CTNNA2: variants seen among roughly 807,000 people sequenced by gnomAD.
The protein encoded by CTNNA2 is catenin alpha-2.
CTNNA2 carries 42 observed loss-of-function variants against 101.0 expected under a neutral mutation model. That is an observed-to-expected ratio of 0.42 (90% CI 0.32 to 0.54). The LOEUF is 0.54. Among genes scored for constraint, CTNNA2 ranks in the 20% least tolerant of loss-of-function variants. The pLI is 0.14. For synonymous variants in CTNNA2, 450 were observed against 456.4 expected, an observed-to-expected ratio of 0.99 and a Z score of 0.18; for missense variants, 871 against 1,223.1, an observed-to-expected ratio of 0.71 and a Z score of 4.29.
At chr2:80,099,085 C>A (rs1700371587) in intron 7 of CTNNA2, among the ~76,000 whole-genome samples, 1 of 151,888 alleles carries the variant, frequency 6.6e-6, no homozygotes, top group Admixed American at 6.6e-5. Context: ...AATCACCCGT[C>A]TTCTGCGTGG....
chr2:79,848,589 C>T (rs956502272), intron 3 of CTNNA2, among the ~76,000 whole-genome samples: 5 of 152,246 alleles, frequency 3.3e-5, no homozygotes, highest in East Asian at 1.9e-4. Flanking sequence ...AAAATCCATA[C>T]GGTTAATGAT....
intron 3 of CTNNA2, among the ~76,000 whole-genome samples, chr2:79,824,352 G>A (rs1345890183): frequency 2.0e-5 from 3 of 152,068 alleles, no homozygotes; most frequent in Non-Finnish European, 4.4e-5. Flanking sequence ...ACTTTTAGTA[G>A]TTGTACAAGC....
At position 79,734,589 on chromosome 2, in the gene CTNNA2, T is replaced by C. The variant is rs147755782; in HGVS notation, c.103-9798T>C. On this transcript the variant is annotated intron_variant, in intron 2 of 18. Coordinates refer to ENST00000402739, the MANE Select transcript of CTNNA2 (RefSeq NM_001282597.3). Reference sequence around the variant, plus strand: ...CAAAGGTTTCAGGAAACTTTAAGGATATATAAAGTGCAGAAAGATTAAAAC... The same window carrying C: ...CAAAGGTTTCAGGAAACTTTAAGGACATATAAAGTGCAGAAAGATTAAAAC... Among the ~76,000 whole-genome samples, 696 of 152,136 alleles carry C rather than the reference T, an allele frequency of 4.6e-3. 5 individuals carry two copies. The highest frequency in any genetic ancestry group is 0.016 in the African/African-American group (665 of 41,552).
At chr2:79,785,252 A>G (rs865885628) in intron 3 of CTNNA2, among the ~76,000 whole-genome samples, 82 of 152,212 alleles carry the variant, frequency 5.4e-4, no homozygotes, top group African/African-American at 1.8e-3. Context: ...TACAGGCCCC[A>G]CCTGTTCTGT....
At chr2:79,477,714 C>G (rs1322292716) in intron 4 of CTNNA2, among the ~76,000 whole-genome samples, 3 of 152,162 alleles carry the variant, frequency 2.0e-5, no homozygotes, top group Non-Finnish European at 4.4e-5. Context: ...CTAGAGTTAA[C>G]AAAAGCCCAG....
chr2:79,254,147 T>C (rs576587025), intron 2 of CTNNA2, among the ~76,000 whole-genome samples: 2 of 152,222 alleles, frequency 1.3e-5, no homozygotes, highest in Admixed American at 1.3e-4. Context: ...AACCAGGAAC[T>C]ATTGGATCCT....
intron 9 of CTNNA2, among the ~76,000 whole-genome samples, chr2:80,438,301 GT>G (rs1682225403): frequency 6.6e-6 from 1 of 151,916 alleles, no homozygotes; most frequent in Non-Finnish European, 1.5e-5. Flanking sequence ...TTAATCACCT[GT>G]TTAAAGACCC....
Position 80,127,233 on chromosome 2 carries a change from GT to G in CTNNA2, c.1056+217445del, listed in dbSNP as rs943277867. Among the ~76,000 whole-genome samples the G allele has an allele frequency of 1.4e-4, 21 of 151,534 alleles. 1 individual carries two copies. In the East Asian group the frequency reaches 2.3e-3, roughly 17 times the overall value. ...ATGATTTACTATTTTAGATCAAAAGGTTTTTTTTTGTTTTGTATAGGACCTG... is the reference window on the plus strand; with the variant it reads ...ATGATTTACTATTTTAGATCAAAAGGTTTTTTTTGTTTTGTATAGGACCTG... On this transcript the variant is annotated intron_variant, in intron 7 of 18. Transcript: ENST00000402739.
intron 9 of CTNNA2, among the ~76,000 whole-genome samples, chr2:80,540,496 C>G (rs1437638099): frequency 6.6e-6 from 1 of 151,524 alleles, no homozygotes; most frequent in Non-Finnish European, 1.5e-5. Flanking sequence ...ACTGGTGAGG[C>G]TGAGACAGGA....
intron 2 of CTNNA2, among the ~76,000 whole-genome samples, chr2:79,282,696 C>T (rs1244774684): frequency 7.0e-5 from 10 of 142,190 alleles, no homozygotes; most frequent in African/African-American, 2.0e-4. Flanking sequence ...TTTGCTATTG[C>T]GAATAGTGCC....
intron 9 of CTNNA2, among the ~76,000 whole-genome samples, chr2:80,541,457 T>A (rs1322900299): frequency 1.3e-5 from 2 of 152,142 alleles, no homozygotes; most frequent in African/African-American, 4.8e-5. Flanking sequence ...CTACTAAGAT[T>A]CTGTTGGGTG....
intron 7 of CTNNA2, among the ~76,000 whole-genome samples, chr2:80,019,648 G>A (rs1025816324): frequency 3.9e-5 from 6 of 152,150 alleles, no homozygotes; most frequent in Admixed American, 6.6e-5. Context: ...GTGACTGACG[G>A]ATTGCCATCT....
At chr2:80,619,269 A>C in intron 18 of CTNNA2, 41 bp downstream of exon 18, 1 of 1,460,266 alleles carries the variant, frequency 6.8e-7, no homozygotes, top group South Asian at 1.5e-5. Flanking sequence ...TTTCATTGTA[A>C]TCATGAATTC....
In CTNNA2 at chr2:79,447,065, T is replaced by C. The variant is rs1159463746; in HGVS notation, c.-134-57989T>C. 2.6e-5 allele frequency among the ~76,000 whole-genome samples: 4 copies of C among 152,056 alleles called. No individual in the cohort carries two copies. In the East Asian group the frequency reaches 7.7e-4, roughly 29 times the overall value. On this transcript the variant is annotated intron_variant, in intron 4 of 21. Transcript: ENST00000466387. ...CCAGTGTACTTATAGGATCCACTTA[T>C]AGAAAGAGCAGTATTAGGGTAATAA...
rs370270410 is a variant in CTNNA2 at position 79,874,115 on chromosome 2, G to T, written c.625G>T (p.Ala209Ser). Reference sequence around the variant, plus strand: ...TCACTGTCGGGATGAGATGGCAGCCGCCCGAGGGGCTCTGAAGAAGAATGC... The same window carrying T: ...TCACTGTCGGGATGAGATGGCAGCCTCCCGAGGGGCTCTGAAGAAGAATGC... ...DPHCRDEMAA[A>S]RGALKKNATM... The change falls in exon 6 of 19, where the codon GCC becomes TCC. Residue 209 changes from alanine (A) to serine (S), a missense_variant. Ala to Ser is a moderately conservative substitution (Grantham distance 99). Around this residue, in one of 5 missense-constraint regions of CTNNA2, gnomAD observed 647 missense variants for 831.5 expected, o/e 0.78. Coordinates refer to ENST00000402739, the MANE Select transcript of CTNNA2 (RefSeq NM_001282597.3). The T allele has an allele frequency of 6.2e-7, 1 of 1,614,154 alleles. No homozygotes were observed. Among genetic ancestry groups the T allele is most frequent in the Non-Finnish European group, 8.5e-7 (1 of 1,180,034 alleles).
intron 2 of CTNNA2, among the ~76,000 whole-genome samples, chr2:79,726,935 T>A (rs1573802912): frequency 6.6e-6 from 1 of 152,226 alleles, no homozygotes; most frequent in East Asian, 1.9e-4. Flanking sequence ...GAGTCGGTTT[T>A]AAATAGTCTA....
chr2:80,632,046 C>T (rs1368198492), intron 18 of CTNNA2, among the ~76,000 whole-genome samples: 1 of 152,054 alleles, frequency 6.6e-6, no homozygotes, highest in Non-Finnish European at 1.5e-5. Context: ...ATAAGACCAC[C>T]TGACTGATAA....
At chr2:79,745,808 C>T (rs1047282814) in intron 3 of CTNNA2, among the ~76,000 whole-genome samples, 4 of 152,148 alleles carry the variant, frequency 2.6e-5, no homozygotes, top group Admixed American at 1.3e-4. Context: ...CATCCATTCA[C>T]GGATGTTTGG....
chr2:80,476,503 C>CA (rs1015805550), intron 9 of CTNNA2, among the ~76,000 whole-genome samples: 5 of 151,746 alleles, frequency 3.3e-5, no homozygotes, highest in African/African-American at 1.2e-4. Context: ...CATCAAGAAG[C>CA]AAAAAAAGCA....
Sources: gnomAD v4.1 joint callset for allele counts (sites outside exome capture counted in the v4.1 genomes callset) on GRCh38, gnomAD v4.1.1 for gene constraint, gnomAD v4.1.1 regional missense constraint, MANE v1.5 for transcripts, NCBI Gene and HGNC (gene_info 2026-07-23, HGNC 2026-07-21) for gene names.